Variants in ERAP1 observed in about 807,000 individuals in gnomAD.
ERAP1 encodes endoplasmic reticulum aminopeptidase 1.
In ERAP1, 86 loss-of-function variants were observed where a neutral mutation model predicts 103.7. The observed-to-expected ratio is 0.83, with a 90% CI of 0.70 to 0.99. The LOEUF is 0.99. Among genes scored for constraint, ERAP1 ranks in the 50% least tolerant of loss-of-function variants. ERAP1 has a pLI of 0.00. For synonymous variants in ERAP1, 398 were observed against 402.4 expected, an observed-to-expected ratio of 0.99 and a Z score of 0.13; for missense variants, 1,009 against 1,128.4, an observed-to-expected ratio of 0.89 and a Z score of 1.52.
chr5:96,904,477 T>G, the ERAP1 span, among the ~76,000 whole-genome samples: 1 of 152,306 alleles, frequency 6.6e-6, no homozygotes, highest in Middle Eastern at 3.4e-3. Context: ...TAAAATCCTC[T>G]AGTTAGAAAG....
chr5:96,896,826 AT>A, the ERAP1 span: 1 of 1,277,136 alleles, frequency 7.8e-7, no homozygotes, highest in Non-Finnish European at 1.0e-6. Flanking sequence ...AGCTATAGAA[AT>A]GCTAAGAATG....
the ERAP1 span, among the ~76,000 whole-genome samples, chr5:96,914,303 T>C: frequency 6.6e-6 from 1 of 152,198 alleles, no homozygotes; most frequent in African/African-American, 2.4e-5. Context: ...GCATCCCTGA[T>C]ATCATTAATT....
At chr5:96,823,120 G>T in the ERAP1 span, 1 of 456,318 alleles carries the variant, frequency 2.2e-6, no homozygotes, top group South Asian at 1.5e-5. Context: ...GTGGCTGCCT[G>T]CTTCCTCAAG....
At chr5:96,801,105 T>C (rs963350539) in intron 2 of ERAP1, 105 bp from the exon 3 acceptor site, 1 of 1,301,844 alleles carries the variant, frequency 7.7e-7, no homozygotes, top group African/African-American at 1.5e-5. Context: ...TTGATGGATT[T>C]TGCTACTAAA....
At chr5:96,777,715 T>A (rs186532191) in intron 18 of ERAP1, among the ~76,000 whole-genome samples, 1 of 152,294 alleles carries the variant, frequency 6.6e-6, no homozygotes, top group East Asian at 1.9e-4. Context: ...CATCAATAAT[T>A]TTACTAATTG....
At chr5:96,876,801 T>G in the ERAP1 span, among the ~76,000 whole-genome samples, 1 of 152,150 alleles carries the variant, frequency 6.6e-6, no homozygotes, top group Non-Finnish European at 1.5e-5. Context: ...AATCCCAGGA[T>G]GTTTTGTTCA....
the ERAP1 span, among the ~76,000 whole-genome samples, chr5:96,907,867 G>A: frequency 1.5e-5 from 2 of 130,408 alleles, no homozygotes; most frequent in Non-Finnish European, 3.2e-5. Flanking sequence ...TGGGTGACAA[G>A]AGCAAAACTC....
At chr5:96,907,894 A>T in the ERAP1 span, among the ~76,000 whole-genome samples, 80,057 of 151,112 alleles carry the variant, frequency 0.53, 21,245 homozygotes, top group Admixed American at 0.58. Flanking sequence ...AAAAAAAAAA[A>T]ATATATATAT....
chr5:96,807,726 T>G (rs1778808634), intron 1 of ERAP1, 134 bp downstream of exon 1: 1 of 568,852 alleles, frequency 1.8e-6, no homozygotes, highest in Non-Finnish European at 2.2e-6. Context: ...CCCGTCTCCC[T>G]CCTCCCGTGC....
chr5:96,871,357 G>A, the ERAP1 span, among the ~76,000 whole-genome samples: 1 of 152,068 alleles, frequency 6.6e-6, no homozygotes, highest in Non-Finnish European at 1.5e-5. Context: ...TCTTTTTTTG[G>A]TTGTTTTAAG....
At chr5:96,907,204 A>G in the ERAP1 span, among the ~76,000 whole-genome samples, 1 of 152,240 alleles carries the variant, frequency 6.6e-6, no homozygotes, top group African/African-American at 2.4e-5. Flanking sequence ...CTAAACAAAC[A>G]TTCAGATAAC....
chr5:96,795,009 A>T, intron 5 of ERAP1, 33 bp downstream of exon 5: 1 of 1,612,494 alleles, frequency 6.2e-7, no homozygotes, highest in Non-Finnish European at 8.5e-7. Flanking sequence ...TGTTCATCAA[A>T]TGTCATGTGT....
the ERAP1 span, chr5:96,873,319 T>G: frequency 2.2e-6 from 1 of 456,154 alleles, no homozygotes; most frequent in African/African-American, 2.0e-5. Flanking sequence ...TGCGCAACAC[T>G]GATAGGTGCT....
the ERAP1 span, among the ~76,000 whole-genome samples, chr5:96,852,436 A>G: frequency 6.6e-6 from 1 of 152,344 alleles, no homozygotes; most frequent in South Asian, 2.1e-4. Flanking sequence ...GACATAGAAA[A>G]GAAAATTTAA....
chr5:96,923,485 G>T, the ERAP1 span, among the ~76,000 whole-genome samples: 27 of 152,210 alleles, frequency 1.8e-4, no homozygotes, highest in African/African-American at 6.3e-4. Context: ...ATGAGGTCAG[G>T]AGATCGAGAC....
At chr5:96,811,170 C>T (rs1307910717), upstream of ERAP1, among the ~76,000 whole-genome samples, 1 of 152,052 alleles carries the variant, frequency 6.6e-6, no homozygotes, top group Non-Finnish European at 1.5e-5. Flanking sequence ...CTTTTTTCCC[C>T]CTCTGTGCCA....
chr5:96,775,626 A>G lies in ERAP1; in HGVS notation c.*770T>C. ...TAGAAACCACAAGTCCGCCAGGACTAGTAAAAGCCAGACTCCCACTGAGGC... is the reference window on the plus strand; with the variant it reads ...TAGAAACCACAAGTCCGCCAGGACTGGTAAAAGCCAGACTCCCACTGAGGC... On this transcript the variant is annotated 3_prime_UTR_variant, in exon 19 of 19. Transcript: ENST00000443439. 8.7e-6 allele frequency: 4 copies of G among 459,738 alleles called. No homozygotes were observed. The highest frequency in any genetic ancestry group is 1.1e-5 in the Non-Finnish European group (4 of 349,760). The allele number at this position is 459,738 out of a possible 1,614,324, so 28.5% of individuals were successfully genotyped here. A position where few individuals can be genotyped will look rare whatever the true frequency, so the allele number is the denominator to read the frequency against.
At chr5:96,892,326 C>A in the ERAP1 span, 2 of 1,613,696 alleles carry the variant, frequency 1.2e-6, no homozygotes, top group African/African-American at 2.7e-5. Flanking sequence ...GACTTTGCAC[C>A]TGGAGCCATG....
At chr5:96,800,520 C>T (rs542514308) in intron 3 of ERAP1, among the ~76,000 whole-genome samples, 173 of 152,204 alleles carry the variant, frequency 1.1e-3, no homozygotes, top group Non-Finnish European at 2.3e-3. Flanking sequence ...CCTTTAAAAT[C>T]ATTTTAAAAG....
Sources: allele counts gnomAD v4.1 joint callset (sites outside exome capture counted in the v4.1 genomes callset), GRCh38; gene constraint gnomAD v4.1.1; transcripts MANE v1.5; gene names NCBI Gene and HGNC (gene_info 2026-07-23, HGNC 2026-07-21).